SGCZ: variants seen among roughly 807,000 people sequenced by gnomAD.
SGCZ encodes the protein sarcoglycan zeta, also known as zeta-sarcoglycan.
In SGCZ, 40 loss-of-function variants were observed where a neutral mutation model predicts 41.3. That is an observed-to-expected ratio of 0.97 (90% CI 0.75 to 1.26). SGCZ has a LOEUF of 1.26. Among genes scored for constraint, SGCZ ranks in the 50% most tolerant of loss-of-function variants. The pLI is 0.00. For missense variants in SGCZ, 552 were observed against 369.8 expected (o/e 1.49, Z -4.04); for synonymous variants, 206 against 137.5 (o/e 1.50, Z -3.49).
chr8:14,570,618 G>A (rs1018062521), intron 1 of SGCZ, among the ~76,000 whole-genome samples: 1 of 152,074 alleles, frequency 6.6e-6, no homozygotes, highest in Non-Finnish European at 1.5e-5. Context: ...TAGAATTTCT[G>A]AAGGAAATTG....
chr8:14,437,964 T>C (rs1177602732), intron 2 of SGCZ, among the ~76,000 whole-genome samples: 1 of 152,024 alleles, frequency 6.6e-6, no homozygotes, highest in Admixed American at 6.6e-5. Context: ...ATATAAAATC[T>C]AGAATTTATT....
rs184354982 is a variant in SGCZ, at chr8:15,176,037, C to T, written c.39+61548G>A. On this transcript the variant is annotated intron_variant, in intron 1 of 7. Coordinates refer to ENST00000382080, the MANE Select transcript of SGCZ (RefSeq NM_139167.4). ...TATACTACTTATATAAACCTGAAAG[C>T]AATTTAAGTGAAAAAATGGAAGAAA... Among the ~76,000 whole-genome samples the T allele has an allele frequency of 3.1e-3, 470 of 152,180 alleles. 4 individuals are homozygous for T. The highest frequency in any genetic ancestry group is 5.1e-3 in the Non-Finnish European group (347 of 68,018).
chr8:14,419,898 G>T (rs1355016676), intron 2 of SGCZ, among the ~76,000 whole-genome samples: 5 of 151,972 alleles, frequency 3.3e-5, no homozygotes, highest in Non-Finnish European at 7.4e-5. Flanking sequence ...TTTCTAAAGC[G>T]ACGAGAAAGC....
intron 2 of SGCZ, among the ~76,000 whole-genome samples, chr8:14,528,647 C>T (rs961710900): frequency 2.6e-5 from 4 of 151,886 alleles, no homozygotes; most frequent in Non-Finnish European, 5.9e-5. Flanking sequence ...ACTACAGAAT[C>T]AACTTCCATT....
At chr8:14,180,048 C>T (rs1804670886) in intron 4 of SGCZ, among the ~76,000 whole-genome samples, 1 of 152,116 alleles carries the variant, frequency 6.6e-6, no homozygotes, top group South Asian at 2.1e-4. Flanking sequence ...CAAAAATAAC[C>T]AATGAGAATG....
chr8:14,550,286 A>C (rs1490640284), intron 2 of SGCZ, among the ~76,000 whole-genome samples: 1 of 151,308 alleles, frequency 6.6e-6, no homozygotes, highest in East Asian at 1.9e-4. Context: ...GTTGAATTGT[A>C]TACAAATATG....
chr8:14,565,737 G>T (rs1804339497), intron 1 of SGCZ, among the ~76,000 whole-genome samples: 1 of 152,072 alleles, frequency 6.6e-6, no homozygotes, highest in South Asian at 2.1e-4. Context: ...TCCAGAAAGA[G>T]GAGGGGATAT....
chr8:15,133,018 C>T (rs868714742), intron 1 of SGCZ, among the ~76,000 whole-genome samples: 2 of 152,188 alleles, frequency 1.3e-5, no homozygotes, highest in Middle Eastern at 6.8e-3. Context: ...TGGCGTGGGC[C>T]TGTAGTCCCA....
intron 1 of SGCZ, among the ~76,000 whole-genome samples, chr8:14,766,614 T>C (rs907521280): frequency 1.3e-5 from 2 of 151,956 alleles, no homozygotes. Context: ...CAGGCTGGAG[T>C]GCAGTACTGC....
intron 3 of SGCZ, among the ~76,000 whole-genome samples, chr8:14,321,713 C>T (rs930170705): frequency 6.6e-6 from 1 of 151,974 alleles, no homozygotes; most frequent in Admixed American, 6.6e-5. Flanking sequence ...TTCCAAAGTG[C>T]CTTTTAGATT....
chr8:14,389,946 G>A (rs558161723), intron 2 of SGCZ, among the ~76,000 whole-genome samples: 2 of 152,004 alleles, frequency 1.3e-5, no homozygotes, highest in East Asian at 1.9e-4. Context: ...AGTTAAAAAC[G>A]GTGTGAGTAT....
intron 1 of SGCZ, among the ~76,000 whole-genome samples, chr8:14,573,302 G>A (rs368731194): frequency 1.4e-5 from 2 of 144,276 alleles, no homozygotes; most frequent in Admixed American, 7.4e-5. Context: ...GGTTCAAGCC[G>A]TTCTCCGGCC....
chr8:14,259,304 CTTTAG>C (rs931660555), intron 3 of SGCZ, among the ~76,000 whole-genome samples: 12 of 152,172 alleles, frequency 7.9e-5, no homozygotes, highest in Admixed American at 2.0e-4. Context: ...TGCAGAAGCT[CTTTAG>C]TTTAATTAGA....
intron 1 of SGCZ, among the ~76,000 whole-genome samples, chr8:14,594,670 C>A (rs897461026): frequency 6.6e-6 from 1 of 151,794 alleles, no homozygotes; most frequent in Non-Finnish European, 1.5e-5. Flanking sequence ...TCTAAAAGGG[C>A]ATGGGTTACT....
intron 2 of SGCZ, among the ~76,000 whole-genome samples, chr8:14,396,655 C>T (rs11991189): frequency 0.13 from 19,612 of 151,916 alleles, 2,722 homozygotes; most frequent in African/African-American, 0.35. Flanking sequence ...GCTAATATAA[C>T]GACTGATTAT....
intron 1 of SGCZ, among the ~76,000 whole-genome samples, chr8:14,606,698 C>T (rs575817966): frequency 6.6e-6 from 1 of 152,308 alleles, no homozygotes; most frequent in South Asian, 2.1e-4. Flanking sequence ...GTATTTTGTT[C>T]ACCACAGTAC....
chr8:14,144,374 C>G (rs1803460145), intron 5 of SGCZ, among the ~76,000 whole-genome samples: 1 of 152,156 alleles, frequency 6.6e-6, no homozygotes, highest in African/African-American at 2.4e-5. Context: ...AGACCCTGGG[C>G]CAGAAGGGAA....
intron 1 of SGCZ, among the ~76,000 whole-genome samples, chr8:14,871,386 T>C (rs1804144357): frequency 1.3e-5 from 2 of 152,154 alleles, no homozygotes; most frequent in Non-Finnish European, 1.5e-5. Context: ...CATTACTGCG[T>C]ATATACCCAA....
intron 1 of SGCZ, among the ~76,000 whole-genome samples, chr8:14,727,509 A>G (rs1810093782): frequency 6.6e-6 from 1 of 150,528 alleles, no homozygotes; most frequent in Non-Finnish European, 1.5e-5. Flanking sequence ...AGCATGTACA[A>G]TAATGCTTTT....
Sources: allele counts gnomAD v4.1 joint callset (sites outside exome capture counted in the v4.1 genomes callset), GRCh38; gene constraint gnomAD v4.1.1; transcripts MANE v1.5; gene names NCBI Gene and HGNC (gene_info 2026-07-23, HGNC 2026-07-21).